The following COL13A1 variants were observed in gnomAD, a reference collection of about 807,000 sequenced individuals.
The protein encoded by COL13A1 is collagen type XIII alpha 1 chain, also known as collagen alpha-1(XIII) chain.
A neutral mutation model predicts 130.9 loss-of-function variants in COL13A1; 89 were observed. That is an observed-to-expected ratio of 0.68 (90% CI 0.57 to 0.81). The LOEUF is 0.81. Ranked by LOEUF, COL13A1 falls within the 30% of genes least tolerant of loss-of-function variation. The probability of loss-of-function intolerance (pLI) is 0.00; values close to 1 mark genes in which losing one functional copy is unlikely to be tolerated. For missense variants in COL13A1, 879 were observed against 934.6 expected (o/e 0.94, Z 0.78); for synonymous variants, 402 against 341.6 (o/e 1.18, Z -1.95).
chr10:69,944,315 G>C (rs961612668), intron 36 of COL13A1, 137 bp downstream of exon 36: 2 of 767,008 alleles, frequency 2.6e-6, no homozygotes, highest in African/African-American at 3.4e-5. Flanking sequence ...CCTGGGACAG[G>C]GGGTGCTGGT....
intron 39 of COL13A1, 66 bp from the exon 40 acceptor site, chr10:69,956,938 C>T: frequency 7.4e-7 from 1 of 1,342,436 alleles, no homozygotes; most frequent in Non-Finnish European, 1.1e-6. Flanking sequence ...CTTGTTACCC[C>T]TGTCCTGCCC....
At chr10:69,837,495 G>A (rs945624778) in intron 2 of COL13A1, among the ~76,000 whole-genome samples, 1 of 152,218 alleles carries the variant, frequency 6.6e-6, no homozygotes, top group African/African-American at 2.4e-5. Context: ...TGACACCCCT[G>A]CTGTTCATTA....
chr10:69,909,236 T>G (rs891695033), intron 17 of COL13A1, among the ~76,000 whole-genome samples: 1 of 152,112 alleles, frequency 6.6e-6, no homozygotes, highest in Non-Finnish European at 1.5e-5. Context: ...CACTCCTAGG[T>G]CTCATGAGGC....
intron 21 of COL13A1, among the ~76,000 whole-genome samples, chr10:69,921,033 G>A (rs2064595038): frequency 6.6e-6 from 1 of 152,196 alleles, no homozygotes; most frequent in African/African-American, 2.4e-5. Flanking sequence ...TGCTAGGGCT[G>A]TGGTAACAAA....
At chr10:69,914,327 C>G (rs1193830958) in intron 17 of COL13A1, among the ~76,000 whole-genome samples, 2 of 151,968 alleles carry the variant, frequency 1.3e-5, no homozygotes, top group Non-Finnish European at 2.9e-5. Context: ...AGCCAAATGG[C>G]ACCTCCCCAG....
chr10:69,925,317 T>C (rs562262073), intron 25 of COL13A1, among the ~76,000 whole-genome samples: 1 of 152,324 alleles, frequency 6.6e-6, no homozygotes, highest in African/African-American at 2.4e-5. Context: ...ATGTAAGCTG[T>C]GGTGAACATG....
chr10:69,840,903 G>A (rs1053203193), intron 2 of COL13A1, among the ~76,000 whole-genome samples: 3 of 151,994 alleles, frequency 2.0e-5, no homozygotes, highest in Non-Finnish European at 2.9e-5. Flanking sequence ...TCAGAACCCC[G>A]GGCGCCAGAG....
chr10:69,867,147 G>A (rs995995302), intron 2 of COL13A1, among the ~76,000 whole-genome samples: 3 of 152,228 alleles, frequency 2.0e-5, no homozygotes, highest in Non-Finnish European at 4.4e-5. Context: ...GAGGTGGGGA[G>A]TGGACACCAG....
At chr10:69,903,489 GC>G (rs1291392621) in intron 15 of COL13A1, among the ~76,000 whole-genome samples, 1 of 152,020 alleles carries the variant, frequency 6.6e-6, no homozygotes, top group Non-Finnish European at 1.5e-5. Context: ...CCATGTTCAA[GC>G]CCTGGCTAAG....
At chr10:69,844,242 G>A (rs1053515909) in intron 2 of COL13A1, among the ~76,000 whole-genome samples, 1 of 152,228 alleles carries the variant, frequency 6.6e-6, no homozygotes, top group Admixed American at 6.5e-5. Flanking sequence ...CCAGCTCAGT[G>A]TGGCTGTCCA....
chr10:69,928,667 C>A (rs180930251), intron 27 of COL13A1, among the ~76,000 whole-genome samples: 1 of 152,144 alleles, frequency 6.6e-6, no homozygotes, highest in African/African-American at 2.4e-5. Flanking sequence ...GCCCAAAGGG[C>A]GACCAGAGAT....
rs373439229 is a variant in COL13A1, at chr10:69,895,082, G to A, written c.657+381G>A. On this transcript the variant is annotated intron_variant, in intron 12 of 40. Transcript: ENST00000645393. ...GGCCTCCTGCCCTCTCTGTCTTGTTGAATTTCTGATAGAGACACTGCTGTG... is the reference window on the plus strand; with the variant it reads ...GGCCTCCTGCCCTCTCTGTCTTGTTAAATTTCTGATAGAGACACTGCTGTG... 3.3e-5 allele frequency among the ~76,000 whole-genome samples: 5 copies of A among 152,214 alleles called. 1 individual carries two copies. The East Asian group carries it at 7.7e-4, about 23-fold the overall frequency.
In COL13A1 at chr10:69,894,089, G is replaced by T. The variant is rs1441312103; in HGVS notation, c.604-463G>T. ...TTCCTGCTTTCTCTCTTTTGCTGAA[G>T]GTTTCTCTAAGGCCCCCATTGTCTG... On this transcript the variant is annotated intron_variant, in intron 10 of 40. Transcript: ENST00000645393. 2.0e-5 allele frequency among the ~76,000 whole-genome samples: 3 copies of T among 152,220 alleles called. No homozygotes were observed. In the East Asian group the frequency reaches 5.8e-4, roughly 29 times the overall value.
At position 69,872,219 on chromosome 10, in the gene COL13A1, C is replaced by T; in HGVS notation, c.399+9C>T. On this transcript the variant is annotated intron_variant, in intron 4 of 40. Coordinates refer to ENST00000645393, the MANE Select transcript of COL13A1 (RefSeq NM_001368882.1). The stretch of plus-strand genomic sequence containing the variant: ...GAAGACCCGGACTCCCAGTAAGTCA[C>T]TTTTGTTTCTTCTTTCCTTTGCATC... 6.2e-7 allele frequency: 1 copy of T among 1,614,000 alleles called. No individual in the cohort carries two copies. Among genetic ancestry groups the T allele is most frequent in the South Asian group, 1.1e-5 (1 of 91,070 alleles).
chr10:69,819,867 T>C (rs1845608288), intron 1 of COL13A1, among the ~76,000 whole-genome samples: 2 of 152,278 alleles, frequency 1.3e-5, no homozygotes, highest in Non-Finnish European at 2.9e-5. Context: ...CTATCCCATG[T>C]CCTCACTCAG....
At position 69,902,832 on chromosome 10, in the gene COL13A1, C is replaced by T. The variant is rs1175292185; in HGVS notation, c.835C>T (p.Leu279=). 3 of 1,542,766 alleles carry T rather than the reference C, an allele frequency of 1.9e-6. No individual in the cohort carries two copies. Among genetic ancestry groups the T allele is most frequent in the Non-Finnish European group, 2.6e-6 (3 of 1,142,128 alleles). The change falls in exon 15 of 41, where the codon CTG becomes TTG. Residue 279 remains leucine, a synonymous_variant. Coordinates refer to ENST00000645393, the MANE Select transcript of COL13A1 (RefSeq NM_001368882.1). The stretch of plus-strand genomic sequence containing the variant: ...AAGTGGACCTCTGGGGCACCCAGGA[C>T]TGCCAGGGCCTATGGGGCCACCTGT... The part of the protein sequence containing the change: ...GPSGPLGHPG[L]PGPMGPPGLP...
rs1347458096 is a variant in COL13A1, at chr10:69,887,449, T to C, written c.514-7T>C. ...ATCTCATGTGTCTCTTGTTTTTTTTTTTTCAGGGTCAACCAGGAACTAGAG... is the reference window on the plus strand; with the variant it reads ...ATCTCATGTGTCTCTTGTTTTTTTTCTTTCAGGGTCAACCAGGAACTAGAG... On this transcript the variant is annotated splice_region_variant and splice_polypyrimidine_tract_variant and intron_variant, in intron 7 of 40. Transcript: ENST00000645393. 4 of 1,613,068 alleles carry C rather than the reference T, an allele frequency of 2.5e-6. No homozygotes were observed. The Admixed American group carries it at 6.7e-5, about 27-fold the overall frequency.
rs34323794 is a variant in COL13A1, at chr10:69,933,135, C to CAAAAAAAA, written c.1728+556_1728+563dup. ...TGGGCAACAGAGTGAGACTCTGCCT[C>CAAAAAAAA]AAAAAAAAAAAAAAAAAAAAAAAAA... is the stretch of plus-strand genomic sequence containing the variant. On this transcript the variant is annotated intron_variant, in intron 31 of 40. Coordinates refer to ENST00000645393, the MANE Select transcript of COL13A1 (RefSeq NM_001368882.1). Among the ~76,000 whole-genome samples the CAAAAAAAA allele has an allele frequency of 4.5e-4, 20 of 44,430 alleles. 1 individual carries two copies. Among genetic ancestry groups the CAAAAAAAA allele is most frequent in the Middle Eastern group, 0.059 (2 of 34 alleles). 29.1% of individuals were successfully genotyped at this position (44,430 alleles called of 152,430 possible).
intron 2 of COL13A1, among the ~76,000 whole-genome samples, chr10:69,851,811 T>C (rs921196058): frequency 4.6e-5 from 7 of 152,060 alleles, no homozygotes; most frequent in Non-Finnish European, 1.0e-4. Context: ...TGCACCACCA[T>C]CCCCAGCTAG....
Sources: gnomAD v4.1 joint callset for allele counts (sites outside exome capture counted in the v4.1 genomes callset) on GRCh38, gnomAD v4.1.1 for gene constraint, MANE v1.5 for transcripts, NCBI Gene and HGNC (gene_info 2026-07-23, HGNC 2026-07-21) for gene names.